Variants in BARD1 observed in about 807,000 individuals in gnomAD.
The protein encoded by BARD1 is BRCA1-associated RING domain protein 1.
A neutral mutation model predicts 77.0 loss-of-function variants in BARD1; 73 were observed. The observed-to-expected ratio is 0.95, with a 90% confidence interval of 0.79 to 1.15. BARD1 has a LOEUF of 1.15. BARD1 is among the 50% of genes most tolerant of loss of function. The pLI is 0.00. For missense variants in BARD1, 993 were observed against 938.8 expected, an observed-to-expected ratio of 1.06 and a Z score of -0.75; for synonymous variants, 384 against 338.0, an observed-to-expected ratio of 1.14 and a Z score of -1.49.
chr2:214,799,667 C>T (rs7591615), intron 1 of BARD1, among the ~76,000 whole-genome samples: 39,914 of 151,500 alleles, frequency 0.26, 5,543 homozygotes, highest in African/African-American at 0.36. Context: ...TTTCTTCTCT[C>T]ATTTGCATCT....
Position 214,727,420 on chromosome 2 carries a change from C to A in BARD1, c.*1256G>T, listed in dbSNP as rs114202991. On this transcript the variant is annotated 3_prime_UTR_variant, in exon 11 of 11. Transcript: ENST00000260947. ...CTGGCAAGTCTCTCAGTGTCTCCTT[C>A]CCCAAGTCTTTAATTTTATAAGTAT... 2.6e-3 allele frequency: 598 copies of A among 231,942 alleles called. 3 individuals carry two copies. The highest frequency in any genetic ancestry group is 0.012 in the African/African-American group (540 of 45,358). 14.4% of individuals were successfully genotyped at this position (231,942 alleles called of 1,614,324 possible).
chr2:214,745,246 G>C lies in BARD1; in HGVS notation c.1811-87C>G, dbSNP rs80039307. The C allele has an allele frequency of 4.9e-3, 5,780 of 1,182,296 alleles. 201 individuals are homozygous for C. The African/African-American group carries it at 0.077, about 16-fold the overall frequency. 73.2% of individuals were successfully genotyped at this position (1,182,296 alleles called of 1,614,324 possible). ...GCTTCTTATAACTCATCTATATTTTGTAAGCTTATATCTGAATCTTCAAAG... is the reference window on the plus strand; with the variant it reads ...GCTTCTTATAACTCATCTATATTTTCTAAGCTTATATCTGAATCTTCAAAG... On this transcript the variant is annotated intron_variant, in intron 8 of 10. Coordinates refer to ENST00000260947, the MANE Select transcript of BARD1 (RefSeq NM_000465.4).
chr2:214,775,891 C>T (rs1694718537), intron 4 of BARD1, among the ~76,000 whole-genome samples: 2 of 152,134 alleles, frequency 1.3e-5, no homozygotes, highest in African/African-American at 2.4e-5. Flanking sequence ...GTTTCCTTTG[C>T]TACCTTCTCA....
At chr2:214,791,048 G>A (rs1695488957) in intron 3 of BARD1, among the ~76,000 whole-genome samples, 1 of 152,108 alleles carries the variant, frequency 6.6e-6, no homozygotes, top group African/African-American at 2.4e-5. Context: ...TTTCTTCAGT[G>A]TGTTCTTAAA....
At chr2:214,789,002 G>C (rs1026889999) in intron 3 of BARD1, among the ~76,000 whole-genome samples, 1 of 151,968 alleles carries the variant, frequency 6.6e-6, no homozygotes, top group African/African-American at 2.4e-5. Flanking sequence ...TGAAAAGTTG[G>C]GGGTCTATAC....
chr2:214,778,759 A>G (rs4672729), intron 4 of BARD1, among the ~76,000 whole-genome samples: 98,245 of 152,002 alleles, frequency 0.65, 32,130 homozygotes, highest in Middle Eastern at 0.69. Context: ...AGCTGAAAAC[A>G]TTTACTCTAA....
intron 9 of BARD1, among the ~76,000 whole-genome samples, chr2:214,741,132 T>C (rs1413042476): frequency 6.6e-6 from 1 of 152,084 alleles, no homozygotes; most frequent in Non-Finnish European, 1.5e-5. Context: ...ACACTCAATT[T>C]AGCCCTTCCC....
chr2:214,754,486 A>G (rs1440653368), intron 6 of BARD1, among the ~76,000 whole-genome samples: 2 of 152,168 alleles, frequency 1.3e-5, no homozygotes, highest in Non-Finnish European at 2.9e-5. Context: ...TCACATTAGC[A>G]TAGTTATTTT....
rs1060501287 is a variant in BARD1 at position 214,769,301 on chromosome 2, AG to A, written c.1325del (p.Pro442LeufsTer33). The A allele has an allele frequency of 1.9e-6, 3 of 1,613,168 alleles. No homozygotes were observed. Among genetic ancestry groups the A allele is most frequent in the Non-Finnish European group, 2.5e-6 (3 of 1,179,136 alleles). On this transcript the variant is annotated frameshift_variant, in exon 5 of 11. Coordinates refer to ENST00000260947, the MANE Select transcript of BARD1 (RefSeq NM_000465.4). LOFTEE classifies it high-confidence loss of function. ...CATTTTGTAAAAGGTATTCAACAGA[AG>A]GTATGTCGCCCTAGAAAAATGAACA... ...LHIASIKGDIPSVEYLLQNGS... is the reference protein window; with the variant it reads ...LHIASIKGDIXSVEYLLQNGS...
intron 3 of BARD1, among the ~76,000 whole-genome samples, chr2:214,785,788 T>C (rs1232836412): frequency 6.6e-6 from 1 of 151,836 alleles, no homozygotes; most frequent in African/African-American, 2.4e-5. Flanking sequence ...AACAATAATC[T>C]GATAAGATTA....
rs866105259 is a variant in BARD1, at chr2:214,748,337, G to A, written c.1678-2483C>T. Among the ~76,000 whole-genome samples the A allele has an allele frequency of 9.2e-5, 14 of 152,146 alleles. No homozygotes were observed. In the South Asian group the frequency reaches 1.2e-3, roughly 14 times the overall value. ...TGGGGATTTGACTTGAATAAGCATA[G>A]GTCTCTGACCCATGAGGCTCAAAAG... is the stretch of plus-strand genomic sequence containing the variant. On this transcript the variant is annotated intron_variant, in intron 7 of 10. Coordinates refer to ENST00000260947, the MANE Select transcript of BARD1 (RefSeq NM_000465.4).
intron 1 of BARD1, among the ~76,000 whole-genome samples, chr2:214,808,730 G>A (rs1266536966): frequency 6.6e-6 from 1 of 152,194 alleles, no homozygotes; most frequent in South Asian, 2.1e-4. Context: ...AATGTCTTTG[G>A]ACGGAATGAA....
Position 214,792,651 on chromosome 2 carries a change from C to T in BARD1, c.216-206G>A, listed in dbSNP as rs145063973. Among the ~76,000 whole-genome samples the T allele has an allele frequency of 7.7e-4, 117 of 152,188 alleles. 1 individual carries two copies. The East Asian group carries it at 0.022, about 28-fold the overall frequency. On this transcript the variant is annotated intron_variant, in intron 2 of 10. Transcript: ENST00000260947. ...GCTCATGTAATTTGCTATGAAGAGA[C>T]TTTACTTAGCCTGATTATTAGTCTG...
At chr2:214,773,884 G>C (rs1325790752) in intron 4 of BARD1, among the ~76,000 whole-genome samples, 2 of 151,726 alleles carry the variant, frequency 1.3e-5, no homozygotes, top group Non-Finnish European at 2.9e-5. Context: ...TATCTGCGTA[G>C]AACTTCTCCC....
intron 4 of BARD1, among the ~76,000 whole-genome samples, chr2:214,772,450 CA>C (rs994957243): frequency 3.8e-4 from 56 of 146,846 alleles, no homozygotes; most frequent in African/African-American, 7.7e-4. Context: ...CATGGTAATG[CA>C]AAAAAAAAAT....
chr2:214,745,101 C>T lies in BARD1; in HGVS notation c.1869G>A (p.Gly623=), dbSNP rs759973077. ...AVQSTLKCML[G]ILNGCWILKF... is the part of the protein sequence containing the mutation. ...TTAGAATCCAGCATCCATTGAGAATCCCAAGCATACACTTCAAGGTACTTT... is the reference window on the plus strand; with the variant it reads ...TTAGAATCCAGCATCCATTGAGAATTCCAAGCATACACTTCAAGGTACTTT... Residue 623 remains glycine (G), a synonymous_variant, in exon 9 of 11, where the codon GGG becomes GGA. Transcript: ENST00000260947. 1.2e-6 allele frequency: 2 copies of T among 1,614,030 alleles called. No individual in the cohort carries two copies. The highest frequency in any genetic ancestry group is 2.2e-5 in the South Asian group (2 of 91,072).
intron 6 of BARD1, among the ~76,000 whole-genome samples, chr2:214,763,403 G>A (rs1418953865): frequency 6.6e-6 from 1 of 152,130 alleles, no homozygotes; most frequent in Non-Finnish European, 1.5e-5. Context: ...CAACTGAGGG[G>A]ATGATGAGGC....
At chr2:214,788,322 T>A (rs1695367229) in intron 3 of BARD1, among the ~76,000 whole-genome samples, 1 of 152,010 alleles carries the variant, frequency 6.6e-6, no homozygotes, top group Non-Finnish European at 1.5e-5. Context: ...AAGAAGATCA[T>A]GTTATAAAGG....
intron 5 of BARD1, among the ~76,000 whole-genome samples, chr2:214,768,576 T>C (rs1694323596): frequency 6.9e-3 from 1 of 144 alleles, no homozygotes; most frequent in South Asian, 0.1. Flanking sequence ...CTGGGCTGAA[T>C]TTCTAGTTAC....
Sources: gnomAD v4.1 joint callset for allele counts (sites outside exome capture counted in the v4.1 genomes callset) on GRCh38, gnomAD v4.1.1 for gene constraint, MANE v1.5 for transcripts, NCBI Gene and HGNC (gene_info 2026-07-23, HGNC 2026-07-21) for gene names.